VWA3A: variants seen among roughly 807,000 people sequenced by gnomAD.
The protein encoded by VWA3A is von Willebrand factor A domain-containing protein 3A.
VWA3A carries 134 observed loss-of-function variants against 160.4 expected under a neutral mutation model. The ratio of observed to expected loss-of-function variants is 0.84; its 90% CI spans 0.73 to 0.96. VWA3A has a LOEUF of 0.96. Among genes scored for constraint, VWA3A ranks in the 40% least tolerant of loss-of-function variants. The pLI is 0.00. For synonymous variants in VWA3A, 476 were observed against 543.4 expected, an observed-to-expected ratio of 0.88 and a Z score of 1.72; for missense variants, 1,310 against 1,447.9, an observed-to-expected ratio of 0.90 and a Z score of 1.55.
At chr16:22,100,075 C>G (rs1211045847) in intron 3 of VWA3A, 119 bp from the exon 4 acceptor site, 22 of 1,026,934 alleles carry the variant, frequency 2.1e-5, no homozygotes, top group Admixed American at 3.4e-5. Context: ...AACTCCGTCT[C>G]AAAAAAAAAA....
chr16:22,138,234 G>A, intron 21 of VWA3A, 126 bp from the exon 22 acceptor site: 2 of 1,196,972 alleles, frequency 1.7e-6, no homozygotes, highest in Non-Finnish European at 2.3e-6. Context: ...GGCTTTCTAG[G>A]GACAAAAAGA....
rs1244067437 is a variant in VWA3A, at chr16:22,122,566, G to T, written c.1357-519G>T. Among the ~76,000 whole-genome samples the T allele has an allele frequency of 4.6e-5, 7 of 152,088 alleles. No individual in the cohort carries two copies. In the East Asian group the frequency reaches 1.2e-3, roughly 25 times the overall value. On this transcript the variant is annotated intron_variant, in intron 14 of 33. Transcript: ENST00000389398. ...AGAGAGAAGAGTAAGGGACATGTAG[G>T]TCTAGCAGTGCATGGATGAATGACT... is the stretch of plus-strand genomic sequence containing the variant.
In VWA3A at chr16:22,134,453, T is replaced by C; in HGVS notation, c.2139+15T>C. On this transcript the variant is annotated intron_variant, in intron 21 of 33. Coordinates refer to ENST00000389398, the MANE Select transcript of VWA3A (RefSeq NM_173615.5). ...ACTCCCAAAAGGTATGCCCTGGGCA[T>C]GGGCCAATGACTGCACTGCCTTTTG... 6.3e-7 allele frequency: 1 copy of C among 1,577,592 alleles called. No homozygotes were observed. The highest frequency in any genetic ancestry group is 8.6e-7 in the Non-Finnish European group (1 of 1,160,384).
intron 8 of VWA3A, among the ~76,000 whole-genome samples, chr16:22,114,568 G>C (rs2045603783): frequency 6.6e-6 from 1 of 152,200 alleles, no homozygotes; most frequent in Admixed American, 6.5e-5. Context: ...CCCTGGGCAA[G>C]TCCTAACTCA....
chr16:22,123,437 C>T, intron 15 of VWA3A, 176 bp from the exon 16 acceptor site: 3 of 1,535,838 alleles, frequency 2.0e-6, no homozygotes, highest in Non-Finnish European at 2.6e-6. Context: ...GTGACTCTTC[C>T]CTTCCTGTTC....
At chr16:22,144,958 GAAGA>G in intron 26 of VWA3A, among the ~76,000 whole-genome samples, 1 of 152,116 alleles carries the variant, frequency 6.6e-6, no homozygotes, top group Non-Finnish European at 1.5e-5. Context: ...CAATTGCTGA[GAAGA>G]TTGGGCCGTG....
In VWA3A at chr16:22,150,725, T is replaced by C. The variant is rs2046333653; in HGVS notation, c.3160T>C (p.Leu1054=). The change falls in exon 30 of 34, where the codon TTG becomes CTG. Residue 1054 remains leucine, a synonymous_variant. Transcript: ENST00000389398. ...TTTCAGTTTCCATGATCTGGAAGGA[T>C]TGTACCTCCTGACCGACGGAAAGCC... ...KAFSFHDLEG[L]YLLTDGKPDT... The C allele has an allele frequency of 1.2e-6, 2 of 1,611,280 alleles. No individual in the cohort carries two copies. Among genetic ancestry groups the C allele is most frequent in the Non-Finnish European group, 1.7e-6 (2 of 1,178,674 alleles).
intron 21 of VWA3A, 30 bp downstream of exon 21, chr16:22,134,468 A>G: frequency 1.3e-6 from 2 of 1,549,656 alleles, no homozygotes; most frequent in Admixed American, 2.0e-5. Context: ...CAATGACTGC[A>G]CTGCCTTTTG....
intron 9 of VWA3A, among the ~76,000 whole-genome samples, chr16:22,115,915 A>G (rs1567203005): frequency 6.5e-4 from 21 of 32,494 alleles, no homozygotes; most frequent in African/African-American, 4.0e-3. Context: ...GGAAGGAAGG[A>G]AGGAAGGAAA....
chr16:22,131,783 C>G, intron 19 of VWA3A, 54 bp downstream of exon 19: 1 of 1,560,426 alleles, frequency 6.4e-7, no homozygotes, highest in Non-Finnish European at 8.7e-7. Context: ...CATCCGTCTT[C>G]CCCCAGGTGG....
chr16:22,102,894 G>A (rs1243656989), intron 5 of VWA3A, among the ~76,000 whole-genome samples: 2 of 152,114 alleles, frequency 1.3e-5, no homozygotes, highest in Non-Finnish European at 2.9e-5. Context: ...GAGGTTACAT[G>A]AGCAGGTTGA....
chr16:22,127,501 C>T (rs1444816906), intron 17 of VWA3A, among the ~76,000 whole-genome samples: 1 of 152,060 alleles, frequency 6.6e-6, no homozygotes, highest in African/African-American at 2.4e-5. Flanking sequence ...AAAAGGAACC[C>T]ACTTAAAGTG....
At chr16:22,114,938 T>G (rs1567202323) in intron 8 of VWA3A, among the ~76,000 whole-genome samples, 1 of 152,076 alleles carries the variant, frequency 6.6e-6, no homozygotes, top group East Asian at 1.9e-4. Flanking sequence ...CCCAAGTAGC[T>G]GGGATTACAG....
At chr16:22,150,643 G>C in intron 29 of VWA3A, 52 bp from the exon 30 acceptor site, 1 of 1,548,754 alleles carries the variant, frequency 6.5e-7, no homozygotes. Context: ...TGGTTCTTGT[G>C]TTCTGGGTGA....
At chr16:22,137,158 A>C (rs2046060733) in intron 21 of VWA3A, among the ~76,000 whole-genome samples, 1 of 152,166 alleles carries the variant, frequency 6.6e-6, no homozygotes, top group Non-Finnish European at 1.5e-5. Flanking sequence ...CCATTCCCTC[A>C]TCAGATAAAC....
intron 31 of VWA3A, among the ~76,000 whole-genome samples, chr16:22,154,357 T>C (rs955480089): frequency 1.5e-5 from 2 of 135,942 alleles, no homozygotes; most frequent in African/African-American, 5.7e-5. Context: ...TGAGATGAAG[T>C]CTTGCTGTGT....
intron 17 of VWA3A, among the ~76,000 whole-genome samples, chr16:22,127,391 G>T (rs1488430565): frequency 6.6e-6 from 1 of 152,124 alleles, no homozygotes; most frequent in Admixed American, 6.5e-5. Flanking sequence ...CTCCTAAAGT[G>T]CTGGGATTAC....
intron 17 of VWA3A, 101 bp downstream of exon 17, chr16:22,126,398 G>A (rs952611332): frequency 2.3e-5 from 34 of 1,476,342 alleles, no homozygotes; most frequent in African/African-American, 9.9e-5. Context: ...AGATATTGAC[G>A]TCATGGTCAC....
chr16:22,148,164 A>G lies in VWA3A; in HGVS notation c.2842A>G (p.Ser948Gly). ...CTTCCCCACCTGTCTCGGAGCAGGGAGCCGCCGACTGTTTGGCACCGTTTT... is the reference window on the plus strand; with the variant it reads ...CTTCCCCACCTGTCTCGGAGCAGGGGGCCGCCGACTGTTTGGCACCGTTTT... ...VQRLQWLLSG[S>G]RRLFGTVLES... The change falls in exon 28 of 34, where the codon AGC becomes GGC. Residue 948 changes from serine to glycine, a missense_variant and splice_region_variant. Physicochemically the swap from Ser to Gly is moderately conservative, Grantham distance 56. Coordinates refer to ENST00000389398, the MANE Select transcript of VWA3A (RefSeq NM_173615.5). 1 of 1,597,294 alleles carries G rather than the reference A, an allele frequency of 6.3e-7. No individual in the cohort carries two copies. The highest frequency in any genetic ancestry group is 8.5e-7 in the Non-Finnish European group (1 of 1,172,262).
Sources: allele counts gnomAD v4.1 joint callset (sites outside exome capture counted in the v4.1 genomes callset), GRCh38; gene constraint gnomAD v4.1.1; transcripts MANE v1.5; gene names NCBI Gene and HGNC (gene_info 2026-07-23, HGNC 2026-07-21).